Variants in TNIP3 observed in about 807,000 individuals in gnomAD.
The protein encoded by TNIP3 is TNFAIP3 interacting protein 3, also known as TNFAIP3-interacting protein 3.
TNIP3 carries 34 observed loss-of-function variants against 54.1 expected under a neutral mutation model. The observed-to-expected ratio is 0.63, with a 90% confidence interval of 0.48 to 0.84. TNIP3 has a LOEUF of 0.84. Among genes scored for constraint, TNIP3 ranks in the 40% least tolerant of loss-of-function variants. TNIP3 has a pLI of 0.00. For synonymous variants in TNIP3, 134 were observed against 136.8 expected (o/e 0.98, Z 0.14); for missense variants, 366 against 387.6 (o/e 0.94, Z 0.47).
rs150144797 is a variant in TNIP3 at position 121,150,158 on chromosome 4, C to G, written c.554G>C (p.Arg185Pro). 1.2e-6 allele frequency: 2 copies of G among 1,613,700 alleles called. No homozygotes were observed. Among genetic ancestry groups the G allele is most frequent in the African/African-American group, 2.7e-5 (2 of 74,878 alleles). The change falls in exon 6 of 11, where the codon CGA becomes CCA. Residue 185 changes from arginine (R) to proline (P), a missense_variant. Arg to Pro is a moderately radical substitution (Grantham distance 103). Coordinates refer to ENST00000057513, the MANE Select transcript of TNIP3 (RefSeq NM_024873.6). Reference protein sequence around the residue: ...SFSEDCLRKSRVEFCHEEMRT... With the variant: ...SFSEDCLRKSPVEFCHEEMRT... The stretch of plus-strand genomic sequence containing the variant: ...CATCTCCTCATGGCAGAATTCCACT[C>G]GAGACTTCCTCAAACAGTCCTCGGA...
chr4:121,220,878 G>T (rs181567762), upstream of TNIP3, among the ~76,000 whole-genome samples: 1 of 152,144 alleles, frequency 6.6e-6, no homozygotes, highest in East Asian at 1.9e-4. Flanking sequence ...AGAGCAATAC[G>T]TTCAGTCAAG....
intron 2 of TNIP3, among the ~76,000 whole-genome samples, chr4:121,192,540 GA>G (rs1012100463): frequency 6.6e-6 from 1 of 152,140 alleles, no homozygotes; most frequent in African/African-American, 2.4e-5. Context: ...AACTGCTCCT[GA>G]AAAGCTTCTA....
intron 2 of TNIP3, among the ~76,000 whole-genome samples, chr4:121,213,504 A>T (rs1560696814): frequency 1.3e-5 from 2 of 152,064 alleles, no homozygotes; most frequent in Non-Finnish European, 2.9e-5. Flanking sequence ...AGGCGGGTGG[A>T]TCATGAGGTC....
intron 2 of TNIP3, among the ~76,000 whole-genome samples, chr4:121,183,367 T>C (rs1724824595): frequency 6.6e-6 from 1 of 152,214 alleles, no homozygotes; most frequent in South Asian, 2.1e-4. Flanking sequence ...CTGAAGAGTA[T>C]CTGGAAGCCC....
chr4:121,147,327 C>A (rs1729490859), intron 6 of TNIP3, among the ~76,000 whole-genome samples, 153 bp from the exon 7 acceptor site: 1 of 152,136 alleles, frequency 6.6e-6, no homozygotes, highest in South Asian at 2.1e-4. Context: ...GTCATCCATC[C>A]CTAACACAAG....
chr4:121,175,559 T>G (rs1724264690), intron 3 of TNIP3, among the ~76,000 whole-genome samples: 1 of 152,216 alleles, frequency 6.6e-6, no homozygotes, highest in African/African-American at 2.4e-5. Context: ...TTCTACCTAC[T>G]GCTTACATCT....
chr4:121,226,479 A>G (rs994935861), intron 1 of TNIP3, among the ~76,000 whole-genome samples: 1 of 152,252 alleles, frequency 6.6e-6, no homozygotes, highest in Non-Finnish European at 1.5e-5. Context: ...CAGGCCTTCC[A>G]CTGTGGGGAC....
upstream of TNIP3, among the ~76,000 whole-genome samples, chr4:121,167,124 G>A (rs1016087375): frequency 2.6e-5 from 4 of 152,040 alleles, no homozygotes; most frequent in East Asian, 5.8e-4. Flanking sequence ...CATGACAAAA[G>A]GAAAGGGAAA....
At chr4:121,163,967 A>AT in intron 1 of TNIP3, 93 bp downstream of exon 1, 1 of 1,431,804 alleles carries the variant, frequency 7.0e-7, no homozygotes. Context: ...CAAACTAGCC[A>AT]TTTCTGTTCT....
chr4:121,190,417 C>G (rs887132478), intron 2 of TNIP3, among the ~76,000 whole-genome samples: 1 of 152,166 alleles, frequency 6.6e-6, no homozygotes, highest in Non-Finnish European at 1.5e-5. Flanking sequence ...ACAAGAATAA[C>G]TAGATCTGAA....
At chr4:121,211,375 C>G (rs1238534125) in intron 2 of TNIP3, among the ~76,000 whole-genome samples, 3 of 152,148 alleles carry the variant, frequency 2.0e-5, no homozygotes, top group Non-Finnish European at 2.9e-5. Flanking sequence ...CATATTTGAA[C>G]AGAGACATAA....
At chr4:121,187,487 C>T (rs1290925879) in intron 2 of TNIP3, among the ~76,000 whole-genome samples, 1 of 152,206 alleles carries the variant, frequency 6.6e-6, no homozygotes, top group African/African-American at 2.4e-5. Context: ...CATGCTGAAG[C>T]TTGTGACTTT....
At chr4:121,218,460 T>A (rs558563711), upstream of TNIP3, among the ~76,000 whole-genome samples, 6 of 152,260 alleles carry the variant, frequency 3.9e-5, no homozygotes, top group East Asian at 1.2e-3. Context: ...TATTAACCAG[T>A]GACAATCAGA....
chr4:121,182,587 T>G, intron 3 of TNIP3: 1 of 1,438,014 alleles, frequency 7.0e-7, no homozygotes, highest in Admixed American at 2.2e-5. Context: ...TGACGGTAAA[T>G]GACTTGGGGA....
upstream of TNIP3, among the ~76,000 whole-genome samples, chr4:121,169,041 C>A (rs1328711440): frequency 1.3e-5 from 2 of 151,892 alleles, no homozygotes; most frequent in South Asian, 2.1e-4. Context: ...TGCTTCCACT[C>A]CCCCCTCCCC....
chr4:121,196,919 TA>T (rs1185960644), intron 2 of TNIP3, among the ~76,000 whole-genome samples: 2 of 152,040 alleles, frequency 1.3e-5, no homozygotes, highest in South Asian at 2.1e-4. Flanking sequence ...TATCAGTCAT[TA>T]AAAAAATGTA....
intron 1 of TNIP3, among the ~76,000 whole-genome samples, chr4:121,226,834 C>A (rs1027927332): frequency 2.0e-5 from 3 of 152,110 alleles, no homozygotes; most frequent in Non-Finnish European, 2.9e-5. Context: ...GAAATACATT[C>A]TTTTAGAATG....
intron 5 of TNIP3, among the ~76,000 whole-genome samples, chr4:121,153,840 T>C (rs1342823589): frequency 1.3e-5 from 2 of 152,338 alleles, no homozygotes; most frequent in East Asian, 1.9e-4. Context: ...TCATGAAATA[T>C]CTAGTTGAGA....
At chr4:121,143,934 C>T (rs1048106465) in intron 7 of TNIP3, among the ~76,000 whole-genome samples, 1 of 152,070 alleles carries the variant, frequency 6.6e-6, no homozygotes, top group African/African-American at 2.4e-5. Context: ...ATGAAATCAC[C>T]AACAAATAGC....
Sources: gnomAD v4.1 joint callset for allele counts (sites outside exome capture counted in the v4.1 genomes callset) on GRCh38, gnomAD v4.1.1 for gene constraint, MANE v1.5 for transcripts, NCBI Gene and HGNC (gene_info 2026-07-23, HGNC 2026-07-21) for gene names.